The following PHF2 variants were observed in gnomAD, a reference collection of about 807,000 sequenced individuals.
PHF2 encodes lysine-specific demethylase PHF2.
In PHF2, 27 loss-of-function variants were observed where a neutral mutation model predicts 120.5. The ratio of observed to expected loss-of-function variants is 0.22; its 90% CI spans 0.17 to 0.31. PHF2 has a LOEUF of 0.31. Among genes scored for constraint, PHF2 ranks in the 10% least tolerant of loss-of-function variants. The pLI is 1.00. For missense variants in PHF2, 1,024 were observed against 1,434.8 expected, an observed-to-expected ratio of 0.71 and a Z score of 4.63; for synonymous variants, 568 against 592.5, an observed-to-expected ratio of 0.96 and a Z score of 0.60.
chr9:93,602,158 A>G (rs766182399), intron 1 of PHF2, among the ~76,000 whole-genome samples: 5 of 151,600 alleles, frequency 3.3e-5, no homozygotes, highest in African/African-American at 4.9e-5. Context: ...TGGTGGAACT[A>G]TCGAACAAAA....
intron 1 of PHF2, among the ~76,000 whole-genome samples, chr9:93,627,107 A>G (rs1472879917): frequency 2.0e-5 from 3 of 152,196 alleles, no homozygotes; most frequent in African/African-American, 7.2e-5. Context: ...TTGCCGTCTT[A>G]ACACTATTAA....
chr9:93,650,209 A>T (rs1373082522), intron 5 of PHF2, among the ~76,000 whole-genome samples: 1 of 151,784 alleles, frequency 6.6e-6, no homozygotes, highest in Non-Finnish European at 1.5e-5. Flanking sequence ...CGACACACTC[A>T]CATGACATAG....
At chr9:93,598,966 G>A (rs76868268) in intron 1 of PHF2, among the ~76,000 whole-genome samples, 3,346 of 152,226 alleles carry the variant, frequency 0.022, 137 homozygotes, top group African/African-American at 0.077. Context: ...GTCCGTGTGC[G>A]CCCTTGGAAG....
chr9:93,620,292 C>G (rs951774322), intron 1 of PHF2, among the ~76,000 whole-genome samples: 2 of 152,224 alleles, frequency 1.3e-5, no homozygotes, highest in African/African-American at 4.8e-5. Flanking sequence ...CCCACTTCCC[C>G]ACATCTGGGT....
chr9:93,625,992 C>T (rs561430305), intron 1 of PHF2, among the ~76,000 whole-genome samples: 257 of 152,080 alleles, frequency 1.7e-3, no homozygotes, highest in Admixed American at 2.9e-3. Flanking sequence ...CCTATAATCC[C>T]AGCACTTCGG....
chr9:93,673,315 C>T (rs139545423), intron 17 of PHF2, among the ~76,000 whole-genome samples: 150 of 152,120 alleles, frequency 9.9e-4, no homozygotes, highest in African/African-American at 3.2e-3. Flanking sequence ...TGCTGTCTTC[C>T]GTCTCCTCTC....
At chr9:93,669,305 G>A (rs966565733) in intron 17 of PHF2, among the ~76,000 whole-genome samples, 3 of 152,244 alleles carry the variant, frequency 2.0e-5, no homozygotes, top group Non-Finnish European at 2.9e-5. Context: ...GGCAAGCTGC[G>A]TGCTCTGGCT....
chr9:93,655,262 G>A (rs193100987), intron 7 of PHF2, among the ~76,000 whole-genome samples: 25 of 139,896 alleles, frequency 1.8e-4, no homozygotes, highest in African/African-American at 6.5e-4. Context: ...TTTTTAAATC[G>A]TTTTATAGGG....
At chr9:93,654,605 A>G in intron 7 of PHF2, 30 bp downstream of exon 7, 1 of 1,600,820 alleles carries the variant, frequency 6.2e-7, no homozygotes, top group Non-Finnish European at 8.5e-7. Flanking sequence ...GGGACCATGT[A>G]CTAGGGCTTG....
rs541610688 is a variant in PHF2 at position 93,656,850 on chromosome 9, G to C, written c.1147+255G>C. Among the ~76,000 whole-genome samples the C allele has an allele frequency of 1.9e-4, 29 of 152,222 alleles. No homozygotes were observed. Among genetic ancestry groups the C allele is most frequent in the Admixed American group, 4.6e-4 (7 of 15,292 alleles). On this transcript the variant is annotated intron_variant, in intron 9 of 21. Coordinates refer to ENST00000359246, the MANE Select transcript of PHF2 (RefSeq NM_005392.4). The surrounding 1 kb of genome is among the most constrained non-coding windows in gnomAD (Gnocchi z 4.1). ...AACACTGGGCTGTGGGTTGAGAGGGGTGAGTGTGCATGGCCTCAGTGCAGG... is the reference window on the plus strand; with the variant it reads ...AACACTGGGCTGTGGGTTGAGAGGGCTGAGTGTGCATGGCCTCAGTGCAGG...
At chr9:93,617,735 G>A (rs1326587373) in intron 1 of PHF2, among the ~76,000 whole-genome samples, 2 of 152,228 alleles carry the variant, frequency 1.3e-5, no homozygotes, top group Admixed American at 1.3e-4. Flanking sequence ...AAAGCCATCC[G>A]AGTCCTAAAA....
chr9:93,661,977 A>G (rs1826576144), intron 12 of PHF2, among the ~76,000 whole-genome samples: 1 of 151,910 alleles, frequency 6.6e-6, no homozygotes, highest in Non-Finnish European at 1.5e-5. Context: ...AGGTGGATGA[A>G]CAAACAAATG....
intron 5 of PHF2, among the ~76,000 whole-genome samples, chr9:93,652,963 C>A (rs563201031): frequency 6.6e-6 from 1 of 152,134 alleles, no homozygotes; most frequent in Non-Finnish European, 1.5e-5. Flanking sequence ...TGGAGGCCAG[C>A]GTCAGACCCA....
chr9:93,656,101 G>A lies in PHF2; in HGVS notation c.1040+80G>A. Reference sequence around the variant, plus strand: ...TAGCTGGGTCGGTGCTAGATGCCTTGGGCTGAGTCCTGGCACAGCCCGCCT... The same window carrying A: ...TAGCTGGGTCGGTGCTAGATGCCTTAGGCTGAGTCCTGGCACAGCCCGCCT... On this transcript the variant is annotated intron_variant, in intron 8 of 21. Coordinates refer to ENST00000359246, the MANE Select transcript of PHF2 (RefSeq NM_005392.4). The surrounding 1 kb of genome is among the most constrained non-coding windows in gnomAD (Gnocchi z 4.1). 5 of 1,199,296 alleles carry A rather than the reference G, an allele frequency of 4.2e-6. No homozygotes were observed. In the East Asian group the frequency reaches 1.3e-4, roughly 31 times the overall value. The allele number at this position is 1,199,296 out of a possible 1,614,324, so 74.3% of individuals were successfully genotyped here. A position where few individuals can be genotyped will look rare whatever the true frequency, so the allele number is the denominator to read the frequency against.
At chr9:93,604,014 G>A (rs1825492253) in intron 1 of PHF2, among the ~76,000 whole-genome samples, 1 of 152,174 alleles carries the variant, frequency 6.6e-6, no homozygotes, top group Non-Finnish European at 1.5e-5. Context: ...TGTGCCCATT[G>A]GCCTCTCCTG....
At chr9:93,671,378 A>G (rs1250962379) in intron 17 of PHF2, among the ~76,000 whole-genome samples, 58 of 89,872 alleles carry the variant, frequency 6.5e-4, no homozygotes, top group African/African-American at 7.9e-4. Flanking sequence ...GTGGGTGTGG[A>G]TGTAGGTACA....
At chr9:93,576,977 GGCC>G (rs909618337) in intron 1 of PHF2, 106 bp downstream of exon 1, 213 of 318,062 alleles carry the variant, frequency 6.7e-4, no homozygotes, top group Non-Finnish European at 8.6e-4. Flanking sequence ...CTCGGGGACG[GGCC>G]GCCGCCGCCG....
intron 1 of PHF2, among the ~76,000 whole-genome samples, chr9:93,616,659 T>C (rs1461304645): frequency 6.6e-6 from 1 of 151,942 alleles, no homozygotes; most frequent in Non-Finnish European, 1.5e-5. Flanking sequence ...TAATTTTTTT[T>C]TTTTTTCTGA....
rs1239264161 is a variant in PHF2, at chr9:93,658,167, G to A, written c.1170G>A (p.Gln390=). Residue 390 remains glutamine, a synonymous_variant, in exon 10 of 22, where the codon CAG becomes CAA. Coordinates refer to ENST00000359246, the MANE Select transcript of PHF2 (RefSeq NM_005392.4). ...AFKGSHKSGK[Q]LPPHLVQGAK... ...CAGGCTCTCACAAATCTGGGAAGCAGCTGCCCCCTCATCTAGTCCAAGGAG... is the reference window on the plus strand; with the variant it reads ...CAGGCTCTCACAAATCTGGGAAGCAACTGCCCCCTCATCTAGTCCAAGGAG... 3 of 1,613,060 alleles carry A rather than the reference G, an allele frequency of 1.9e-6. No individual in the cohort carries two copies. Among genetic ancestry groups the A allele is most frequent in the African/African-American group, 1.3e-5 (1 of 75,026 alleles).
Sources: gnomAD v4.1 joint callset for allele counts (sites outside exome capture counted in the v4.1 genomes callset) on GRCh38, gnomAD v4.1.1 for gene constraint, Gnocchi (gnomAD v3.1) non-coding constraint, MANE v1.5 for transcripts, NCBI Gene and HGNC (gene_info 2026-07-23, HGNC 2026-07-21) for gene names.